MACROD2: variants seen among roughly 807,000 people sequenced by gnomAD.
The protein encoded by MACROD2 is ADP-ribose glycohydrolase MACROD2.
In MACROD2, 36 loss-of-function variants were observed where a neutral mutation model predicts 70.4. The ratio of observed to expected loss-of-function variants is 0.51; its 90% CI spans 0.39 to 0.68. The LOEUF is 0.68. Ranked by LOEUF, MACROD2 falls within the 30% of genes least tolerant of loss-of-function variation. MACROD2 has a pLI of 0.00. For synonymous variants in MACROD2, 172 were observed against 178.8 expected, an observed-to-expected ratio of 0.96 and a Z score of 0.30; for missense variants, 496 against 538.4, an observed-to-expected ratio of 0.92 and a Z score of 0.78.
chr20:14,248,266 T>C (rs1382942349), intron 3 of MACROD2, among the ~76,000 whole-genome samples: 1 of 152,164 alleles, frequency 6.6e-6, no homozygotes, highest in Non-Finnish European at 1.5e-5. Flanking sequence ...GTACACAGAC[T>C]TTGTCTCATG....
chr20:14,049,462 T>C (rs975818870), intron 2 of MACROD2, among the ~76,000 whole-genome samples: 7 of 151,664 alleles, frequency 4.6e-5, no homozygotes, highest in Non-Finnish European at 1.0e-4. Flanking sequence ...GCCTCTAGGC[T>C]GGGCGAGGTG....
chr20:14,371,526 A>G (rs1330823220), intron 3 of MACROD2, among the ~76,000 whole-genome samples: 4 of 152,094 alleles, frequency 2.6e-5, no homozygotes, highest in Admixed American at 6.6e-5. Flanking sequence ...AACTTTGATC[A>G]TATTTTGTTT....
chr20:15,579,509 G>T (rs886814420), intron 8 of MACROD2, among the ~76,000 whole-genome samples: 9 of 152,166 alleles, frequency 5.9e-5, no homozygotes, highest in African/African-American at 2.2e-4. Flanking sequence ...ATTTCATATG[G>T]TGAAGCTTGC....
rs184216632 is a variant in MACROD2 at position 15,510,848 on chromosome 20, G to A, written c.645+11001G>A. On this transcript the variant is annotated intron_variant, in intron 8 of 17. Coordinates refer to ENST00000684519, the MANE Select transcript of MACROD2 (RefSeq NM_001351661.2). ...GTGCTGTCCTGCAATCAGTTATGTC[G>A]TCTACATTTCTATTTATGAACCCCT... 2.6e-4 allele frequency among the ~76,000 whole-genome samples: 39 copies of A among 152,294 alleles called. 1 individual carries two copies. The highest frequency in any genetic ancestry group is 5.0e-4 in the Non-Finnish European group (34 of 68,020).
chr20:14,532,318 A>AC (rs1457242745), intron 4 of MACROD2, among the ~76,000 whole-genome samples: 4 of 148,568 alleles, frequency 2.7e-5, no homozygotes, highest in African/African-American at 1.0e-4. Context: ...TCCCGGGTTC[A>AC]GCCATTCTCC....
chr20:15,382,769 T>A (rs865835121), intron 6 of MACROD2, among the ~76,000 whole-genome samples: 1 of 152,280 alleles, frequency 6.6e-6, no homozygotes, highest in South Asian at 2.1e-4. Flanking sequence ...CATGGAGGAA[T>A]AATTGTTAGA....
At chr20:15,082,269 C>G (rs1307846414) in intron 5 of MACROD2, among the ~76,000 whole-genome samples, 2 of 152,110 alleles carry the variant, frequency 1.3e-5, no homozygotes, top group African/African-American at 2.4e-5. Flanking sequence ...TCTGAATCTC[C>G]CCCTCAATAA....
chr20:14,402,658 T>C (rs932690305), intron 3 of MACROD2, among the ~76,000 whole-genome samples: 1 of 152,192 alleles, frequency 6.6e-6, no homozygotes, highest in Admixed American at 6.5e-5. Flanking sequence ...CCTGAGGTAA[T>C]GCTCTAAGAA....
At chr20:15,951,352 A>AG (rs1414285468) in intron 12 of MACROD2, among the ~76,000 whole-genome samples, 15 of 91,944 alleles carry the variant, frequency 1.6e-4, no homozygotes, top group African/African-American at 4.0e-4. Flanking sequence ...CACACACACA[A>AG]AGAGAGAGAG....
intron 5 of MACROD2, among the ~76,000 whole-genome samples, chr20:15,202,266 T>C (rs1023220880): frequency 6.6e-6 from 1 of 152,222 alleles, no homozygotes; most frequent in Admixed American, 6.5e-5. Flanking sequence ...GGTGGCTATA[T>C]GCAGAATGTT....
At chr20:15,351,906 A>G (rs1298889209) in intron 6 of MACROD2, among the ~76,000 whole-genome samples, 1 of 152,174 alleles carries the variant, frequency 6.6e-6, no homozygotes. Context: ...CTCAAATAAC[A>G]TGTGGCTTCA....
intron 4 of MACROD2, among the ~76,000 whole-genome samples, chr20:14,508,725 T>G (rs2084996807): frequency 6.6e-6 from 1 of 152,202 alleles, no homozygotes; most frequent in South Asian, 2.1e-4. Context: ...CACTAAGGCC[T>G]TAATTTTTCA....
intron 4 of MACROD2, among the ~76,000 whole-genome samples, chr20:14,545,256 G>A (rs1314421712): frequency 1.3e-5 from 2 of 152,188 alleles, no homozygotes; most frequent in African/African-American, 4.8e-5. Flanking sequence ...AGAGTTCTAT[G>A]CAGGTATCCT....
intron 8 of MACROD2, among the ~76,000 whole-genome samples, chr20:15,782,717 CAA>C (rs11472322): frequency 2.4e-4 from 20 of 83,342 alleles, no homozygotes; most frequent in South Asian, 4.9e-4. Flanking sequence ...AGAGAAATGG[CAA>C]AAAAAAAAAA....
At chr20:15,144,949 C>T (rs181243923) in intron 5 of MACROD2, among the ~76,000 whole-genome samples, 17 of 152,122 alleles carry the variant, frequency 1.1e-4, no homozygotes, top group Admixed American at 5.2e-4. Flanking sequence ...TACAGAAGAA[C>T]GGGCTGTATA....
intron 4 of MACROD2, among the ~76,000 whole-genome samples, chr20:14,663,519 TAC>T (rs10606501): frequency 0.25 from 35,286 of 141,132 alleles, 4,259 homozygotes; most frequent in East Asian, 0.35. Context: ...CAGGGATGTA[TAC>T]ACACACACAC....
chr20:15,765,850 T>C (rs2103709), intron 8 of MACROD2, among the ~76,000 whole-genome samples: 61,610 of 151,832 alleles, frequency 0.41, 12,734 homozygotes, highest in East Asian at 0.5. Context: ...CTATACAATG[T>C]AAGTATTTGT....
chr20:14,899,519 A>T (rs565787983), intron 5 of MACROD2, among the ~76,000 whole-genome samples: 2 of 152,148 alleles, frequency 1.3e-5, no homozygotes, highest in African/African-American at 4.8e-5. Flanking sequence ...CACTGCTTTC[A>T]TCCTCACATG....
At position 14,238,468 on chromosome 20, in the gene MACROD2, C is replaced by T. The variant is rs182056350; in HGVS notation, c.271+152740C>T. Among the ~76,000 whole-genome samples the T allele has an allele frequency of 5.9e-5, 9 of 152,236 alleles. No individual in the cohort carries two copies. In the East Asian group the frequency reaches 1.7e-3, roughly 29 times the overall value. On this transcript the variant is annotated intron_variant, in intron 3 of 17. Coordinates refer to ENST00000684519, the MANE Select transcript of MACROD2 (RefSeq NM_001351661.2). ...ACAACATTTTACTAATGAGCAAAAGCTGCAAGCATCCCCCTTGAAAATTGG... is the reference window on the plus strand; with the variant it reads ...ACAACATTTTACTAATGAGCAAAAGTTGCAAGCATCCCCCTTGAAAATTGG...
Sources: allele counts gnomAD v4.1 joint callset (sites outside exome capture counted in the v4.1 genomes callset), GRCh38; gene constraint gnomAD v4.1.1; transcripts MANE v1.5; gene names NCBI Gene and HGNC (gene_info 2026-07-23, HGNC 2026-07-21).